Variants in SLC6A6 observed in about 807,000 individuals in gnomAD.
The protein encoded by SLC6A6 is solute carrier family 6 member 6.
Under a neutral mutation model 68.8 loss-of-function variants are expected in SLC6A6, and 16 were observed. That is an observed-to-expected ratio of 0.23 (90% CI 0.16 to 0.35). SLC6A6 has a LOEUF of 0.35. Among genes scored for constraint, SLC6A6 ranks in the 10% least tolerant of loss-of-function variants. The probability of loss-of-function intolerance (pLI) is 1.00; values close to 1 mark genes in which losing one functional copy is unlikely to be tolerated. For synonymous variants in SLC6A6, 312 were observed against 315.4 expected (o/e 0.99, Z 0.12); for missense variants, 474 against 802.8 (o/e 0.59, Z 4.95).
chr3:14,451,531 ATG>A (rs1350134440), intron 5 of SLC6A6, among the ~76,000 whole-genome samples: 1 of 152,228 alleles, frequency 6.6e-6, no homozygotes, highest in African/African-American at 2.4e-5. Flanking sequence ...AAAGCCTTGA[ATG>A]TTAGGCGGGT....
intron 2 of SLC6A6, among the ~76,000 whole-genome samples, chr3:14,436,512 C>T (rs1254473159): frequency 8.5e-6 from 1 of 117,598 alleles, no homozygotes. Context: ...CCAGGAATAG[C>T]ACTCTTAACA....
chr3:14,443,975 C>G (rs560052737), intron 3 of SLC6A6, 112 bp downstream of exon 3: 77 of 731,416 alleles, frequency 1.1e-4, no homozygotes, highest in African/African-American at 7.0e-4. Context: ...CCTGGCCCCC[C>G]CCCTTGACCT....
At chr3:14,448,336 G>A (rs944411665) in intron 5 of SLC6A6, 2 of 168,264 alleles carry the variant, frequency 1.2e-5, no homozygotes, top group African/African-American at 4.8e-5. Flanking sequence ...TGTTCTGCTT[G>A]TTGGCAGTTT....
At chr3:14,441,478 C>T (rs780624546) in intron 2 of SLC6A6, among the ~76,000 whole-genome samples, 1 of 152,020 alleles carries the variant, frequency 6.6e-6, no homozygotes, top group African/African-American at 2.4e-5. Context: ...GATGCTCTGG[C>T]AGACAGAGGA....
chr3:14,434,976 T>A (rs73815278), intron 2 of SLC6A6, among the ~76,000 whole-genome samples: 2,443 of 152,356 alleles, frequency 0.016, 58 homozygotes, highest in African/African-American at 0.053. Context: ...AGGTGACAAG[T>A]TGGCTGTCTA....
At chr3:14,466,172 G>A (rs1450903702) in intron 6 of SLC6A6, among the ~76,000 whole-genome samples, 1 of 150,430 alleles carries the variant, frequency 6.6e-6, no homozygotes, top group Non-Finnish European at 1.5e-5. Flanking sequence ...TGAGCCAGGA[G>A]AATCACTTGA....
chr3:14,405,826 A>G (rs577882717), intron 1 of SLC6A6, among the ~76,000 whole-genome samples: 3 of 152,294 alleles, frequency 2.0e-5, no homozygotes, highest in South Asian at 4.1e-4. Flanking sequence ...ACTGGGTTCA[A>G]GGTAGAGTGT....
At chr3:14,484,232 A>G (rs1446672973) in intron 14 of SLC6A6, among the ~76,000 whole-genome samples, 2 of 152,196 alleles carry the variant, frequency 1.3e-5, no homozygotes, top group South Asian at 2.1e-4. Flanking sequence ...CACCCTGCTC[A>G]GGAGTGATCT....
chr3:14,449,212 G>T (rs563982579), intron 5 of SLC6A6, among the ~76,000 whole-genome samples: 2 of 152,350 alleles, frequency 1.3e-5, no homozygotes, highest in Non-Finnish European at 2.9e-5. Flanking sequence ...TACTTGGTCG[G>T]TCCGTGTCAC....
Position 14,488,266 on chromosome 3 carries a change from C to A in SLC6A6, c.*3259C>A, listed in dbSNP as rs565044536. ...ATGCTCTCCTTCCAGGACAGCATAA[C>A]CCCTGGGCCATGTGCAGCTCCTTCA... On this transcript the variant is annotated 3_prime_UTR_variant, in exon 15 of 15. Coordinates refer to ENST00000622186, the MANE Select transcript of SLC6A6 (RefSeq NM_003043.6). 6 of 152,644 alleles carry A rather than the reference C, an allele frequency of 3.9e-5. No homozygotes were observed. The highest frequency in any genetic ancestry group is 1.4e-4 in the African/African-American group (6 of 41,522). 9.5% of individuals were successfully genotyped at this position (152,644 alleles called of 1,614,324 possible).
chr3:14,481,889 A>T lies in SLC6A6; in HGVS notation c.1722+48A>T, dbSNP rs1321184252. The T allele has an allele frequency of 1.3e-6, 2 of 1,528,578 alleles. No homozygotes were observed. The highest frequency in any genetic ancestry group is 2.3e-5 in the South Asian group (2 of 87,146). 94.7% of individuals were successfully genotyped at this position (1,528,578 alleles called of 1,614,324 possible). A position where few individuals can be genotyped will look rare whatever the true frequency, so the allele number is the denominator to read the frequency against. ...AGGGGAGGTGGGAGGCGCGAGGCCA[A>T]AGGTGATTGTTGTCAGTTTGCTGCG... On this transcript the variant is annotated intron_variant, in intron 14 of 14. Transcript: ENST00000622186. This position sits in a 1 kb window ranked among gnomAD's most constrained non-coding sequence, Gnocchi z 4.7.
At chr3:14,418,942 C>T (rs1699426084) in intron 2 of SLC6A6, among the ~76,000 whole-genome samples, 1 of 152,230 alleles carries the variant, frequency 6.6e-6, no homozygotes, top group African/African-American at 2.4e-5. Flanking sequence ...AGCCCCTTCC[C>T]CTTCCCCCGG....
intron 5 of SLC6A6, among the ~76,000 whole-genome samples, chr3:14,452,547 G>A (rs560085514): frequency 6.6e-6 from 1 of 152,298 alleles, no homozygotes; most frequent in East Asian, 1.9e-4. Flanking sequence ...GCCAGGCTTG[G>A]GAGCCCAAGT....
chr3:14,419,348 C>G (rs1456431176), intron 2 of SLC6A6, among the ~76,000 whole-genome samples: 4 of 152,226 alleles, frequency 2.6e-5, no homozygotes, highest in African/African-American at 9.7e-5. Flanking sequence ...GCCCTCCTCA[C>G]TGGGCACGTC....
intron 2 of SLC6A6, among the ~76,000 whole-genome samples, chr3:14,440,750 C>T (rs978096681): frequency 6.6e-6 from 1 of 152,040 alleles, no homozygotes; most frequent in African/African-American, 2.4e-5. Flanking sequence ...AATGTACAGG[C>T]GGGTCTTGCT....
intron 1 of SLC6A6, among the ~76,000 whole-genome samples, chr3:14,416,077 TGTGTGAGTGA>T (rs1699356962): frequency 6.6e-6 from 1 of 152,032 alleles, no homozygotes; most frequent in African/African-American, 2.4e-5. Context: ...GAGAGGGGCG[TGTGTGAGTGA>T]GTGGGAGTGC....
intron 9 of SLC6A6, among the ~76,000 whole-genome samples, chr3:14,471,860 C>T (rs1559311849): frequency 6.6e-6 from 1 of 152,254 alleles, no homozygotes; most frequent in Non-Finnish European, 1.5e-5. Context: ...CACTCAATGG[C>T]TTTGCTTTGG....
chr3:14,441,357 G>C (rs1221661813), intron 2 of SLC6A6, among the ~76,000 whole-genome samples: 1 of 152,022 alleles, frequency 6.6e-6, no homozygotes, highest in East Asian at 1.9e-4. Flanking sequence ...GGGGGGCTGT[G>C]CAAGTCAATG....
At chr3:14,424,375 C>T (rs1358225465) in intron 2 of SLC6A6, among the ~76,000 whole-genome samples, 1 of 151,990 alleles carries the variant, frequency 6.6e-6, no homozygotes, top group Non-Finnish European at 1.5e-5. Flanking sequence ...AAAAAAGCTC[C>T]CTGAGGTCTT....
Sources: gnomAD v4.1 joint callset for allele counts (sites outside exome capture counted in the v4.1 genomes callset) on GRCh38, gnomAD v4.1.1 for gene constraint, Gnocchi (gnomAD v3.1) non-coding constraint, MANE v1.5 for transcripts, NCBI Gene and HGNC (gene_info 2026-07-23, HGNC 2026-07-21) for gene names.